CACNA2D3: variants seen among roughly 807,000 people sequenced by gnomAD.
CACNA2D3 encodes voltage-dependent calcium channel subunit alpha-2/delta-3.
A neutral mutation model predicts 160.6 loss-of-function variants in CACNA2D3; 60 were observed. The observed-to-expected ratio is 0.37, with a 90% confidence interval of 0.30 to 0.46. The LOEUF is 0.46. Among genes scored for constraint, CACNA2D3 ranks in the 20% least tolerant of loss-of-function variants. The pLI is 1.00. For synonymous variants in CACNA2D3, 558 were observed against 492.9 expected, an observed-to-expected ratio of 1.13 and a Z score of -1.75; for missense variants, 1,205 against 1,365.0, an observed-to-expected ratio of 0.88 and a Z score of 1.85.
At chr3:54,762,833 T>C (rs1208127243) in intron 12 of CACNA2D3, among the ~76,000 whole-genome samples, 1 of 152,210 alleles carries the variant, frequency 6.6e-6, no homozygotes, top group East Asian at 1.9e-4. Context: ...GGCTCATGCC[T>C]GTAATCCCAG....
intron 2 of CACNA2D3, among the ~76,000 whole-genome samples, chr3:54,272,268 C>T (rs1210356230): frequency 6.6e-6 from 1 of 152,188 alleles, no homozygotes; most frequent in Non-Finnish European, 1.5e-5. Flanking sequence ...CATTTTGCCT[C>T]ACCTACCTCA....
chr3:54,994,199 G>A (rs745938327), intron 31 of CACNA2D3, among the ~76,000 whole-genome samples: 11 of 152,136 alleles, frequency 7.2e-5, no homozygotes, highest in Non-Finnish European at 1.3e-4. Context: ...TCTCTGTGTG[G>A]TGGGACTTGG....
intron 2 of CACNA2D3, among the ~76,000 whole-genome samples, chr3:54,188,858 G>A (rs1700929888): frequency 6.6e-6 from 1 of 152,156 alleles, no homozygotes; most frequent in South Asian, 2.1e-4. Context: ...GGAATATAGA[G>A]CGTCACTCAT....
chr3:54,695,363 AAGTTT>A (rs1700645433), intron 11 of CACNA2D3, among the ~76,000 whole-genome samples: 1 of 151,728 alleles, frequency 6.6e-6, no homozygotes, highest in African/African-American at 2.4e-5. Context: ...AACAGTATTC[AAGTTT>A]AGTTTTTTTT....
At chr3:54,706,054 T>G (rs991381923) in intron 11 of CACNA2D3, among the ~76,000 whole-genome samples, 5 of 152,218 alleles carry the variant, frequency 3.3e-5, no homozygotes, top group African/African-American at 7.2e-5. Context: ...TCACACACCA[T>G]AAGGCCAAAT....
chr3:54,912,259 T>C (rs1700572023), intron 27 of CACNA2D3, among the ~76,000 whole-genome samples: 2 of 152,130 alleles, frequency 1.3e-5, no homozygotes, highest in African/African-American at 4.8e-5. Flanking sequence ...GGAATGGATA[T>C]CTTATTACTT....
At chr3:54,725,450 G>A (rs554892357) in intron 11 of CACNA2D3, among the ~76,000 whole-genome samples, 1 of 152,126 alleles carries the variant, frequency 6.6e-6, no homozygotes, top group South Asian at 2.1e-4. Context: ...ACCTAGCAGA[G>A]ACACAACAAA....
intron 31 of CACNA2D3, among the ~76,000 whole-genome samples, chr3:54,999,665 A>G (rs1702938131): frequency 6.6e-6 from 1 of 152,180 alleles, no homozygotes; most frequent in Non-Finnish European, 1.5e-5. Flanking sequence ...CACGGTACAT[A>G]GTAGGTGTTT....
chr3:54,135,315 A>C (rs1576949330), intron 2 of CACNA2D3, among the ~76,000 whole-genome samples: 2 of 152,036 alleles, frequency 1.3e-5, no homozygotes, highest in Non-Finnish European at 2.9e-5. Context: ...GGGTGATCTC[A>C]CTGCTGCACC....
chr3:54,477,006 A>T (rs1275779229), intron 4 of CACNA2D3, among the ~76,000 whole-genome samples: 1 of 152,168 alleles, frequency 6.6e-6, no homozygotes, highest in East Asian at 1.9e-4. Flanking sequence ...TACCCTCATC[A>T]GTGGGTGGAG....
rs140421888 is a variant in CACNA2D3 at position 54,598,397 on chromosome 3, G to A, written c.963+16520G>A. ...TGGCTTCAGATACATGTCCCAGTGG[G>A]GCTCTGTTATTAAATGGGATAAGAG... On this transcript the variant is annotated intron_variant, in intron 9 of 37. Transcript: ENST00000474759. 5.8e-3 allele frequency among the ~76,000 whole-genome samples: 874 copies of A among 151,500 alleles called. 14 individuals are homozygous for A. Among genetic ancestry groups the A allele is most frequent in the African/African-American group, 0.021 (850 of 41,290 alleles).
At chr3:54,950,996 T>C (rs1311211075) in intron 27 of CACNA2D3, among the ~76,000 whole-genome samples, 1 of 152,176 alleles carries the variant, frequency 6.6e-6, no homozygotes. Context: ...AAGGCTCCTT[T>C]TAAATAATCA....
At chr3:54,530,222 G>A (rs1701785853) in intron 5 of CACNA2D3, among the ~76,000 whole-genome samples, 3 of 152,318 alleles carry the variant, frequency 2.0e-5, no homozygotes, top group African/African-American at 4.8e-5. Flanking sequence ...CCAGTGCCCT[G>A]TTCTTGCATG....
intron 3 of CACNA2D3, among the ~76,000 whole-genome samples, chr3:54,336,525 C>T (rs542619711): frequency 1.1e-4 from 17 of 152,318 alleles, no homozygotes; most frequent in African/African-American, 3.8e-4. Flanking sequence ...CCAAGGGTCA[C>T]ACGCTCATAG....
intron 16 of CACNA2D3, among the ~76,000 whole-genome samples, chr3:54,841,182 T>C (rs1258109107): frequency 6.6e-6 from 1 of 152,254 alleles, no homozygotes; most frequent in Non-Finnish European, 1.5e-5. Flanking sequence ...CAAAGTACTT[T>C]ACATGCATTA....
At chr3:54,135,950 G>A (rs2107260265) in intron 2 of CACNA2D3, among the ~76,000 whole-genome samples, 1 of 152,344 alleles carries the variant, frequency 6.6e-6, no homozygotes. Context: ...TGGAAGAAGG[G>A]TTCCACGTCC....
chr3:54,891,015 C>T (rs1700052875), intron 24 of CACNA2D3, among the ~76,000 whole-genome samples: 1 of 152,148 alleles, frequency 6.6e-6, no homozygotes, highest in South Asian at 2.1e-4. Flanking sequence ...CCATTCTTAG[C>T]CTGATCTCTT....
At chr3:54,681,131 G>GAC (rs1293890096) in intron 11 of CACNA2D3, among the ~76,000 whole-genome samples, 2 of 151,806 alleles carry the variant, frequency 1.3e-5, no homozygotes, top group Non-Finnish European at 2.9e-5. Flanking sequence ...GAGAGAGAGA[G>GAC]AGAGAGACAG....
intron 35 of CACNA2D3, among the ~76,000 whole-genome samples, chr3:55,020,665 C>A (rs539896706): frequency 2.0e-5 from 3 of 151,966 alleles, no homozygotes; most frequent in African/African-American, 7.2e-5. Flanking sequence ...GCCTGGCCAA[C>A]ATGGTGAAAC....
Sources: allele counts gnomAD v4.1 joint callset (sites outside exome capture counted in the v4.1 genomes callset), GRCh38; gene constraint gnomAD v4.1.1; transcripts MANE v1.5; gene names NCBI Gene and HGNC (gene_info 2026-07-23, HGNC 2026-07-21).